Variants in HMGXB3 observed in about 807,000 individuals in gnomAD.
HMGXB3 encodes the protein HMG domain-containing protein 3.
Under a neutral mutation model 121.5 loss-of-function variants are expected in HMGXB3, and 45 were observed. The observed-to-expected ratio is 0.37, with a 90% CI of 0.29 to 0.47. The LOEUF is 0.47. Among genes scored for constraint, HMGXB3 ranks in the 20% least tolerant of loss-of-function variants. HMGXB3 has a pLI of 0.99. For missense variants in HMGXB3, 1,376 were observed against 1,602.2 expected (o/e 0.86, Z 2.41); for synonymous variants, 590 against 624.1 (o/e 0.95, Z 0.81).
chr5:150,034,327 CACCTTCTA>C (rs1475424485), intron 11 of HMGXB3, among the ~76,000 whole-genome samples: 17 of 152,128 alleles, frequency 1.1e-4, no homozygotes, highest in African/African-American at 3.4e-4. Flanking sequence ...GTTTTTCCTG[CACCTTCTA>C]ACCCTGGAGC....
At chr5:150,042,064 A>G in intron 15 of HMGXB3, 95 bp downstream of exon 15, 2 of 997,910 alleles carry the variant, frequency 2.0e-6, no homozygotes, top group South Asian at 3.3e-5. Context: ...GGATAGCTCC[A>G]GTCCTGTCTA....
At position 150,027,082 on chromosome 5, in the gene HMGXB3, C is replaced by T. The variant is rs1394870244; in HGVS notation, c.1699C>T (p.Pro567Ser). 7 of 1,551,672 alleles carry T rather than the reference C, an allele frequency of 4.5e-6. No individual in the cohort carries two copies. The South Asian group carries it at 5.9e-5, about 13-fold the overall frequency. ...AAGCACACTGAAGCAGCTGGGCCAGCCCATTCAACAGCCATCTGGCCCTGG... is the reference window on the plus strand; with the variant it reads ...AAGCACACTGAAGCAGCTGGGCCAGTCCATTCAACAGCCATCTGGCCCTGG... The part of the protein sequence containing the change: ...KPSTLKQLGQ[P>S]IQQPSGPGEV... The change falls in exon 9 of 20, where the codon CCC becomes TCC. Residue 567 changes from proline to serine, a missense_variant. Transcript: ENST00000502717.
intron 13 of HMGXB3, among the ~76,000 whole-genome samples, chr5:150,040,313 A>G (rs542399415): frequency 6.6e-6 from 1 of 152,228 alleles, no homozygotes; most frequent in South Asian, 2.1e-4. Context: ...TTTCTATTTT[A>G]TGAATTCACC....
intron 6 of HMGXB3, among the ~76,000 whole-genome samples, chr5:150,020,625 A>G (rs769235940): frequency 6.7e-5 from 10 of 149,824 alleles, no homozygotes; most frequent in Non-Finnish European, 1.2e-4. Context: ...GTCTCTTGCT[A>G]TGTTGCCTAG....
intron 10 of HMGXB3, among the ~76,000 whole-genome samples, chr5:150,031,500 G>C (rs1006491827): frequency 2.6e-5 from 4 of 152,224 alleles, no homozygotes; most frequent in Non-Finnish European, 4.4e-5. Flanking sequence ...CTTTCCTTCT[G>C]TGGTCCTCAG....
In HMGXB3 at chr5:150,052,220, A is replaced by ATCTC; in HGVS notation, c.*31_*34dup. On this transcript the variant is annotated 3_prime_UTR_variant, in exon 20 of 20. Transcript: ENST00000502717. ...CAGGCTGTTGTACAGGGACTACACC[A>ATCTC]TCTCTCAAGCCATAGTAAGGCCCTT... 1 of 1,486,706 alleles carries ATCTC rather than the reference A, an allele frequency of 6.7e-7. No individual in the cohort carries two copies. Among genetic ancestry groups the ATCTC allele is most frequent in the South Asian group, 1.3e-5 (1 of 79,644 alleles). 92.1% of individuals were successfully genotyped at this position (1,486,706 alleles called of 1,614,324 possible).
chr5:150,041,709 A>C lies in HMGXB3; in HGVS notation c.2546-76A>C. The C allele has an allele frequency of 6.6e-6, 7 of 1,054,748 alleles. No homozygotes were observed. In the South Asian group the frequency reaches 1.0e-4, roughly 16 times the overall value. 65.3% of individuals were successfully genotyped at this position (1,054,748 alleles called of 1,614,324 possible). ...TCAGTCTGGCAGAATTGCTCTACTT[A>C]CTACCCACTGGCTCATCCCTAGTGG... On this transcript the variant is annotated intron_variant, in intron 14 of 19. Coordinates refer to ENST00000502717, the MANE Select transcript of HMGXB3 (RefSeq NM_014983.3).
At chr5:150,048,256 T>C (rs1756807336) in intron 17 of HMGXB3, among the ~76,000 whole-genome samples, 1 of 152,250 alleles carries the variant, frequency 6.6e-6, no homozygotes, top group South Asian at 2.1e-4. Context: ...TTATGCTTCC[T>C]TCAAGATCAG....
intron 13 of HMGXB3, 140 bp from the exon 14 acceptor site, chr5:150,040,608 G>A (rs1756606381): frequency 5.1e-6 from 4 of 790,474 alleles, no homozygotes; most frequent in Non-Finnish European, 7.7e-6. Flanking sequence ...CAACTCCTGG[G>A]CTCAAGCGAT....
chr5:150,051,890 C>T lies in HMGXB3; in HGVS notation c.3577C>T (p.Leu1193=). 1.3e-6 allele frequency: 2 copies of T among 1,551,774 alleles called. No individual in the cohort carries two copies. The highest frequency in any genetic ancestry group is 2.4e-5 in the South Asian group (2 of 84,066). ...CAGTGCTGGGCACCACTCCTTGGCC[C>T]TGTGCCCTGAATTGGCACCTTACGC... The part of the protein sequence containing the change: ...DPSAGHHSLA[L]CPELAPYATI... The change falls in exon 20 of 20, where the codon CTG becomes TTG. Residue 1193 remains leucine, a synonymous_variant. Coordinates refer to ENST00000502717, the MANE Select transcript of HMGXB3 (RefSeq NM_014983.3).
chr5:150,004,971 A>G lies in HMGXB3; in HGVS notation c.119A>G (p.Glu40Gly). 1 of 1,550,066 alleles carries G rather than the reference A, an allele frequency of 6.5e-7. No homozygotes were observed. Among genetic ancestry groups the G allele is most frequent in the Non-Finnish European group, 8.7e-7 (1 of 1,146,684 alleles). Residue 40 changes from glutamate to glycine, a missense_variant, in exon 2 of 20, where the codon GAA (glutamate) becomes GGA (glycine). By Grantham distance (98) the Glu-to-Gly change is moderately conservative. Coordinates refer to ENST00000502717, the MANE Select transcript of HMGXB3 (RefSeq NM_014983.3). The part of the protein sequence containing the change: ...KKKKKYKIHG[E>G]KTKKPRSAYL... ...AAGAAAAAGTATAAAATACATGGAGAAAAGACAAAGAAACCCAGGTTAGCC... is the reference window on the plus strand; with the variant it reads ...AAGAAAAAGTATAAAATACATGGAGGAAAGACAAAGAAACCCAGGTTAGCC...
At chr5:150,015,431 C>T (rs1429885560) in intron 5 of HMGXB3, among the ~76,000 whole-genome samples, 1 of 152,170 alleles carries the variant, frequency 6.6e-6, no homozygotes, top group Non-Finnish European at 1.5e-5. Flanking sequence ...ACCACAGGTG[C>T]ATACCACCAC....
chr5:150,026,076 C>T (rs182375153), intron 7 of HMGXB3, among the ~76,000 whole-genome samples: 6 of 152,326 alleles, frequency 3.9e-5, no homozygotes, highest in Admixed American at 3.3e-4. Flanking sequence ...GTGATCCACC[C>T]GCCTTGGCCT....
At chr5:150,013,056 G>A (rs1447745346) in intron 5 of HMGXB3, among the ~76,000 whole-genome samples, 1 of 152,106 alleles carries the variant, frequency 6.6e-6, no homozygotes, top group Non-Finnish European at 1.5e-5. Flanking sequence ...AGTTTTATAT[G>A]TCCTTTCTGA....
intron 9 of HMGXB3, among the ~76,000 whole-genome samples, chr5:150,029,249 T>C (rs980895033): frequency 2.0e-5 from 3 of 152,106 alleles, no homozygotes; most frequent in Admixed American, 1.3e-4. Context: ...ATATTAAAAA[T>C]TTTCTGTGTG....
intron 13 of HMGXB3, 68 bp from the exon 14 acceptor site, chr5:150,040,680 T>G (rs1756609099): frequency 6.8e-7 from 1 of 1,478,192 alleles, no homozygotes; most frequent in Non-Finnish European, 9.1e-7. Flanking sequence ...ACCCAGCTGG[T>G]GTGTATTCTA....
At chr5:150,010,039 C>A in intron 3 of HMGXB3, 72 bp from the exon 4 acceptor site, 3 of 1,414,468 alleles carry the variant, frequency 2.1e-6, no homozygotes, top group Non-Finnish European at 1.9e-6. Flanking sequence ...ATATATATAT[C>A]TTTCTCTCTC....
At chr5:150,012,762 C>T (rs13355577) in intron 5 of HMGXB3, among the ~76,000 whole-genome samples, 2,252 of 152,296 alleles carry the variant, frequency 0.015, 62 homozygotes, top group African/African-American at 0.052. Flanking sequence ...GGTTACAAGA[C>T]AAGTCAGACT....
At chr5:150,009,829 T>G (rs901716293) in intron 3 of HMGXB3, among the ~76,000 whole-genome samples, 1 of 152,156 alleles carries the variant, frequency 6.6e-6, no homozygotes, top group Non-Finnish European at 1.5e-5. Flanking sequence ...GCTCACAGTT[T>G]CATATGGCAA....
Sources: gnomAD v4.1 joint callset for allele counts (sites outside exome capture counted in the v4.1 genomes callset) on GRCh38, gnomAD v4.1.1 for gene constraint, MANE v1.5 for transcripts, NCBI Gene and HGNC (gene_info 2026-07-23, HGNC 2026-07-21) for gene names.